LCLAT1: variants seen among roughly 807,000 people sequenced by gnomAD.
LCLAT1 encodes the protein 1-AGP acyltransferase 8.
In LCLAT1, 11 loss-of-function variants were observed where a neutral mutation model predicts 30.7. The observed-to-expected ratio is 0.36, with a 90% confidence interval of 0.23 to 0.59. The LOEUF is 0.59. Ranked by LOEUF, LCLAT1 falls within the 20% of genes least tolerant of loss-of-function variation. LCLAT1 has a pLI of 0.77. For synonymous variants in LCLAT1, 155 were observed against 151.3 expected (o/e 1.02, Z -0.18); for missense variants, 402 against 458.6 (o/e 0.88, Z 1.13).
At chr2:30,507,305 G>C (rs12993078) in intron 1 of LCLAT1, among the ~76,000 whole-genome samples, 73,175 of 151,910 alleles carry the variant, frequency 0.48, 18,561 homozygotes, top group Admixed American at 0.56. Flanking sequence ...GGGATTAACT[G>C]ATGTCTTTTC....
At chr2:30,561,443 G>T (rs977687775) in intron 3 of LCLAT1, among the ~76,000 whole-genome samples, 6 of 152,124 alleles carry the variant, frequency 3.9e-5, no homozygotes, top group Non-Finnish European at 8.8e-5. Flanking sequence ...TGGATTGATT[G>T]CCTCAGTTAG....
At chr2:30,569,457 C>T (rs993506648) in intron 5 of LCLAT1, among the ~76,000 whole-genome samples, 2 of 152,192 alleles carry the variant, frequency 1.3e-5, no homozygotes, top group Non-Finnish European at 2.9e-5. Context: ...TGTGTTTGCA[C>T]ATTTCTGCTC....
chr2:30,472,661 A>C (rs1682856973), intron 1 of LCLAT1, among the ~76,000 whole-genome samples: 1 of 152,186 alleles, frequency 6.6e-6, no homozygotes, highest in Admixed American at 6.5e-5. Flanking sequence ...GTTTTATGCA[A>C]AATGTTTATG....
chr2:30,624,886 C>T (rs994412111), intron 5 of LCLAT1, among the ~76,000 whole-genome samples: 3 of 152,008 alleles, frequency 2.0e-5, no homozygotes, highest in African/African-American at 4.8e-5. Flanking sequence ...CCAATAAATT[C>T]GAGAAAAATG....
chr2:30,581,874 G>A (rs1666226836), intron 5 of LCLAT1, among the ~76,000 whole-genome samples: 1 of 152,144 alleles, frequency 6.6e-6, no homozygotes, highest in African/African-American at 2.4e-5. Flanking sequence ...GTAATTGATT[G>A]TATACTTGTA....
chr2:30,625,051 A>G (rs1331424148), intron 5 of LCLAT1, among the ~76,000 whole-genome samples: 1 of 152,244 alleles, frequency 6.6e-6, no homozygotes, highest in Admixed American at 6.5e-5. Flanking sequence ...GAACTGAATG[A>G]TAATAGTGAT....
At chr2:30,519,878 C>T (rs924564831) in intron 1 of LCLAT1, among the ~76,000 whole-genome samples, 1 of 152,174 alleles carries the variant, frequency 6.6e-6, no homozygotes. Flanking sequence ...CTTTTGCTCA[C>T]CATCCACCAC....
At chr2:30,460,285 C>T (rs1272416156) in intron 1 of LCLAT1, among the ~76,000 whole-genome samples, 4 of 152,194 alleles carry the variant, frequency 2.6e-5, no homozygotes, top group Non-Finnish European at 5.9e-5. Flanking sequence ...CTGGCTGCCA[C>T]CTCAGTCTCA....
At chr2:30,572,430 G>A (rs974823677) in intron 5 of LCLAT1, among the ~76,000 whole-genome samples, 1 of 152,204 alleles carries the variant, frequency 6.6e-6, no homozygotes, top group Non-Finnish European at 1.5e-5. Context: ...TGAGGTCCAA[G>A]CTCAGACCTA....
chr2:30,565,127 A>G (rs1665414548), intron 4 of LCLAT1, among the ~76,000 whole-genome samples: 1 of 152,186 alleles, frequency 6.6e-6, no homozygotes, highest in African/African-American at 2.4e-5. Flanking sequence ...CTCTAGAGAA[A>G]GAGAACCAGT....
At chr2:30,591,389 T>A (rs1402278663) in intron 5 of LCLAT1, among the ~76,000 whole-genome samples, 26 of 152,148 alleles carry the variant, frequency 1.7e-4, no homozygotes. Flanking sequence ...TAATGAACTG[T>A]TTAAGGATAA....
At chr2:30,522,376 T>A (rs1010807121) in intron 1 of LCLAT1, among the ~76,000 whole-genome samples, 29 of 152,302 alleles carry the variant, frequency 1.9e-4, no homozygotes, top group East Asian at 3.9e-4. Flanking sequence ...TTTATTGTTT[T>A]AAAATTTTTT....
At chr2:30,507,019 G>C (rs1442770436) in intron 1 of LCLAT1, among the ~76,000 whole-genome samples, 1 of 152,002 alleles carries the variant, frequency 6.6e-6, no homozygotes, top group African/African-American at 2.4e-5. Flanking sequence ...GATTATTTTA[G>C]CTGTCTTTTA....
At chr2:30,569,087 G>T (rs557644824) in intron 5 of LCLAT1, among the ~76,000 whole-genome samples, 2 of 152,264 alleles carry the variant, frequency 1.3e-5, no homozygotes, top group African/African-American at 4.8e-5. Flanking sequence ...TAGTTAAATA[G>T]AACTGGCATC....
chr2:30,638,819 TCCGTCTC>T (rs1669158806), intron 5 of LCLAT1, among the ~76,000 whole-genome samples: 1 of 92,062 alleles, frequency 1.1e-5, no homozygotes, highest in African/African-American at 1.1e-4. Context: ...CGGTGTCACA[TCCGTCTC>T]CCACATCCAG....
At chr2:30,467,391 A>C (rs540780946) in intron 1 of LCLAT1, among the ~76,000 whole-genome samples, 1 of 152,348 alleles carries the variant, frequency 6.6e-6, no homozygotes, top group East Asian at 1.9e-4. Context: ...ATAGTGCCAC[A>C]ATAAACATGT....
intron 2 of LCLAT1, 83 bp downstream of exon 2, chr2:30,525,838 A>C (rs1340550021): frequency 1.7e-6 from 2 of 1,183,066 alleles, no homozygotes; most frequent in African/African-American, 1.5e-5. Context: ...ATGGATGTTC[A>C]AGTCCCTACA....
chr2:30,448,007 A>C (rs1308140642), intron 1 of LCLAT1, among the ~76,000 whole-genome samples: 2 of 152,202 alleles, frequency 1.3e-5, no homozygotes, highest in South Asian at 2.1e-4. Context: ...CGTAGCTTCT[A>C]ATTGCCCATT....
chr2:30,622,276 A>G (rs939264183), intron 5 of LCLAT1, among the ~76,000 whole-genome samples: 1 of 152,210 alleles, frequency 6.6e-6, no homozygotes, highest in Non-Finnish European at 1.5e-5. Context: ...GCCTGAGCTC[A>G]GACCAGCCTA....
Sources: allele counts gnomAD v4.1 joint callset (sites outside exome capture counted in the v4.1 genomes callset), GRCh38; gene constraint gnomAD v4.1.1; transcripts MANE v1.5; gene names NCBI Gene and HGNC (gene_info 2026-07-23, HGNC 2026-07-21).